The following OTOP3 variants were observed in gnomAD, a reference collection of about 807,000 sequenced individuals.
OTOP3 encodes the protein proton channel OTOP3.
OTOP3 carries 41 observed loss-of-function variants against 50.8 expected under a neutral mutation model. The ratio of observed to expected loss-of-function variants is 0.81; its 90% CI spans 0.63 to 1.05. The LOEUF (loss-of-function observed/expected upper bound fraction) is 1.05, where lower values mean the gene tolerates loss of function less well. OTOP3 is among the 50% of genes least tolerant of loss of function. OTOP3 has a pLI of 0.00. For synonymous variants in OTOP3, 320 were observed against 324.4 expected, an observed-to-expected ratio of 0.99 and a Z score of 0.14; for missense variants, 788 against 760.8, an observed-to-expected ratio of 1.04 and a Z score of -0.42.
chr17:74,943,309 C>T lies in OTOP3; in HGVS notation c.597C>T (p.Cys199=), dbSNP rs772264601. Residue 199 remains cysteine, a synonymous_variant, in exon 4 of 7, where the codon TGC becomes TGT. Transcript: ENST00000328801. ...AGACCTGGGTGCTCTGGAAACACTG[C>T]AAAGACTGTGTTCGGGTCCAGACCA... The part of the protein sequence containing the change: ...GVQTWVLWKH[C]KDCVRVQTNF... 6.2e-7 allele frequency: 1 copy of T among 1,614,200 alleles called. No individual in the cohort carries two copies. The highest frequency in any genetic ancestry group is 2.2e-5 in the East Asian group (1 of 44,884).
chr17:74,949,004 T>C (rs2039255792), intron 6 of OTOP3, among the ~76,000 whole-genome samples: 1 of 152,148 alleles, frequency 6.6e-6, no homozygotes, highest in Non-Finnish European at 1.5e-5. Context: ...CCATCTGAAG[T>C]TCAGGCTGGC....
chr17:74,941,038 T>G (rs2039166371), intron 1 of OTOP3, among the ~76,000 whole-genome samples: 1 of 152,110 alleles, frequency 6.6e-6, no homozygotes, highest in Non-Finnish European at 1.5e-5. Flanking sequence ...CGCTGCCTTT[T>G]CATGGCAAAA....
chr17:74,936,961 CTTTTTTTT>C (rs1191319023), intron 1 of OTOP3, among the ~76,000 whole-genome samples: 1 of 101,308 alleles, frequency 9.9e-6, no homozygotes, highest in African/African-American at 3.6e-5. Context: ...CCCCCCCACC[CTTTTTTTT>C]TTTTTTTTTT....
upstream of OTOP3, chr17:74,935,843 G>A (rs990588386): frequency 1.1e-5 from 17 of 1,531,080 alleles, no homozygotes; most frequent in Admixed American, 2.4e-4. Flanking sequence ...AGTCCCGCTG[G>A]GGGAGGGCGT....
At chr17:74,937,090 G>T (rs1230432531) in intron 1 of OTOP3, among the ~76,000 whole-genome samples, 1 of 150,370 alleles carries the variant, frequency 6.7e-6, no homozygotes, top group Admixed American at 6.7e-5. Flanking sequence ...AGCCTCCCGA[G>T]TAGCTGGGAC....
chr17:74,942,905 A>G (rs2039191195), intron 3 of OTOP3, among the ~76,000 whole-genome samples: 1 of 152,170 alleles, frequency 6.6e-6, no homozygotes, highest in Admixed American at 6.5e-5. Flanking sequence ...AGATTGCGCC[A>G]CTGCACTCCA....
chr17:74,941,977 C>T lies in OTOP3; in HGVS notation c.513C>T (p.Arg171=). Residue 171 remains arginine, a synonymous_variant, in exon 3 of 7, where the codon CGC becomes CGT. Coordinates refer to ENST00000328801, the MANE Select transcript of OTOP3 (RefSeq NM_001272005.2). ...FRVGYDVSHI[R]CKSQLDLVFS... is the part of the protein sequence containing the mutation. ...TGGGCTACGATGTGAGCCACATCCG[C>T]TGCAAGTCACAGCTGGACCTTGTCT... 1 of 1,613,802 alleles carries T rather than the reference C, an allele frequency of 6.2e-7. No homozygotes were observed. Among genetic ancestry groups the T allele is most frequent in the South Asian group, 1.1e-5 (1 of 91,032 alleles).
chr17:74,948,389 G>A (rs766091072), intron 6 of OTOP3, among the ~76,000 whole-genome samples: 4 of 152,076 alleles, frequency 2.6e-5, no homozygotes, highest in East Asian at 1.9e-4. Context: ...GTCTGGGCAC[G>A]GTGGCTCACG....
chr17:74,946,071 G>A (rs9895076), intron 5 of OTOP3, among the ~76,000 whole-genome samples: 59,350 of 151,670 alleles, frequency 0.39, 13,002 homozygotes, highest in Non-Finnish European at 0.5. Flanking sequence ...TCTGCCTCCC[G>A]GTCTCAAGCC....
chr17:74,944,274 C>T (rs1462404477), intron 5 of OTOP3, among the ~76,000 whole-genome samples: 1 of 152,170 alleles, frequency 6.6e-6, no homozygotes, highest in Non-Finnish European at 1.5e-5. Flanking sequence ...CCCCACCCCG[C>T]CCCGGGTGGC....
At chr17:74,940,193 G>C (rs1427366635) in intron 1 of OTOP3, among the ~76,000 whole-genome samples, 1 of 134,780 alleles carries the variant, frequency 7.4e-6, no homozygotes, top group East Asian at 2.1e-4. Flanking sequence ...TTTTTGAAGA[G>C]ATGGTGTCTT....
At chr17:74,948,215 G>A (rs558888499) in intron 6 of OTOP3, among the ~76,000 whole-genome samples, 3 of 152,120 alleles carry the variant, frequency 2.0e-5, no homozygotes, top group Admixed American at 6.5e-5. Context: ...AGGTAGGAGG[G>A]GGCAGGGGGT....
chr17:74,939,264 GC>G (rs2039148026), intron 1 of OTOP3, among the ~76,000 whole-genome samples: 1 of 152,118 alleles, frequency 6.6e-6, no homozygotes, highest in Non-Finnish European at 1.5e-5. Context: ...GAGGGGAGAG[GC>G]AAAAAGGACA....
At chr17:74,944,174 A>G (rs2039204355) in intron 5 of OTOP3, among the ~76,000 whole-genome samples, 1 of 152,204 alleles carries the variant, frequency 6.6e-6, no homozygotes. Context: ...AGATTGTCCC[A>G]TATGCCTCAC....
chr17:74,937,237 T>C (rs1252919881), intron 1 of OTOP3, among the ~76,000 whole-genome samples: 1 of 152,186 alleles, frequency 6.6e-6, no homozygotes, highest in Admixed American at 6.5e-5. Context: ...AGTGCTGGAA[T>C]TACAGGCGTG....
chr17:74,939,683 G>C (rs148577999), intron 1 of OTOP3, among the ~76,000 whole-genome samples: 315 of 152,264 alleles, frequency 2.1e-3, no homozygotes, highest in African/African-American at 7.2e-3. Context: ...TTCAGGAAAA[G>C]AGGAGGGTAA....
intron 5 of OTOP3, among the ~76,000 whole-genome samples, chr17:74,944,133 C>T (rs186989401): frequency 2.0e-5 from 3 of 152,296 alleles, no homozygotes; most frequent in African/African-American, 7.2e-5. Context: ...TCAGGTGGGA[C>T]GGAAGATATC....
At chr17:74,940,834 A>C (rs902100299) in intron 1 of OTOP3, among the ~76,000 whole-genome samples, 2 of 152,144 alleles carry the variant, frequency 1.3e-5, no homozygotes, top group Non-Finnish European at 2.9e-5. Context: ...AGGTGCTTGT[A>C]TGTTCCCATA....
At position 74,943,639 on chromosome 17, in the gene OTOP3, G is replaced by A. The variant is rs772925316; in HGVS notation, c.666G>A (p.Leu222=). The A allele has an allele frequency of 6.2e-7, 1 of 1,613,660 alleles. No individual in the cohort carries two copies. The highest frequency in any genetic ancestry group is 8.5e-7 in the Non-Finnish European group (1 of 1,179,998). ...CGLMLTLATN[L]LLWVLAVTND... is the part of the protein sequence containing the mutation. Reference sequence around the variant, plus strand: ...TGATGCTGACCCTGGCCACAAACCTGCTGCTGTGGGTTCTGGCCGTTACCA... The same window carrying A: ...TGATGCTGACCCTGGCCACAAACCTACTGCTGTGGGTTCTGGCCGTTACCA... The change falls in exon 5 of 7, where the codon CTG becomes CTA. Residue 222 remains leucine, a synonymous_variant. Coordinates refer to ENST00000328801, the MANE Select transcript of OTOP3 (RefSeq NM_001272005.2).
Sources: allele counts gnomAD v4.1 joint callset (sites outside exome capture counted in the v4.1 genomes callset), GRCh38; gene constraint gnomAD v4.1.1; transcripts MANE v1.5; gene names NCBI Gene and HGNC (gene_info 2026-07-23, HGNC 2026-07-21).